The following RXRG variants were observed in gnomAD, a reference collection of about 807,000 sequenced individuals.
The protein encoded by RXRG is retinoid X receptor gamma, also known as retinoic acid receptor RXR-gamma.
A neutral mutation model predicts 49.2 loss-of-function variants in RXRG; 19 were observed. The observed-to-expected ratio is 0.39, with a 90% CI of 0.27 to 0.57. The LOEUF is 0.57. Ranked by LOEUF, RXRG falls within the 20% of genes least tolerant of loss-of-function variation. The probability of loss-of-function intolerance (pLI) is 0.64; values close to 1 mark genes in which losing one functional copy is unlikely to be tolerated. For missense variants in RXRG, 452 were observed against 592.5 expected (o/e 0.76, Z 2.46); for synonymous variants, 224 against 216.6 (o/e 1.03, Z -0.30).
rs1658573992 is a variant in RXRG at position 165,428,775 on chromosome 1, A to T, written c.241T>A (p.Ser81Thr). The T allele has an allele frequency of 5.0e-6, 8 of 1,610,402 alleles. No homozygotes were observed. Among genetic ancestry groups the T allele is most frequent in the Non-Finnish European group, 6.8e-6 (8 of 1,177,070 alleles). Residue 81 changes from serine to threonine, a missense_variant, in exon 2 of 10, where the codon TCA becomes ACA. Physicochemically the swap from Ser to Thr is moderately conservative, Grantham distance 58. Around this residue, in one of 2 missense-constraint regions of RXRG, gnomAD observed 166 missense variants for 151.7 expected, o/e 1.09. Transcript: ENST00000359842. Reference sequence around the variant, plus strand: ...CCTGGAGGCGCTGCAAGTGCTCCTGAGGGTGGGCCCATGGCAGAGGTGATG... The same window carrying T: ...CCTGGAGGCGCTGCAAGTGCTCCTGTGGGTGGGCCCATGGCAGAGGTGATG... The part of the protein sequence containing the change: ...RVITSAMGPP[S>T]GALAAPPGIN...
intron 9 of RXRG, among the ~76,000 whole-genome samples, chr1:165,404,716 C>T (rs989211791): frequency 6.6e-6 from 1 of 152,018 alleles, no homozygotes; most frequent in South Asian, 2.1e-4. Flanking sequence ...AAGAAATATA[C>T]CAAAATATTT....
At chr1:165,416,097 A>T (rs1557915103) in intron 4 of RXRG, among the ~76,000 whole-genome samples, 1 of 152,060 alleles carries the variant, frequency 6.6e-6, no homozygotes, top group Non-Finnish European at 1.5e-5. Context: ...CTCTTCATTG[A>T]CCCTTTCAGT....
intron 1 of RXRG, among the ~76,000 whole-genome samples, chr1:165,433,572 A>C (rs1244028939): frequency 6.6e-6 from 1 of 152,218 alleles, no homozygotes; most frequent in Non-Finnish European, 1.5e-5. Flanking sequence ...AGTTCCTCAA[A>C]AGGTTTTCTT....
chr1:165,429,366 C>A (rs1658601328), intron 1 of RXRG, among the ~76,000 whole-genome samples: 1 of 152,180 alleles, frequency 6.6e-6, no homozygotes, highest in Non-Finnish European at 1.5e-5. Context: ...GGTTCCCAGG[C>A]TGCTCCATAA....
chr1:165,429,329 A>G (rs530004023), intron 1 of RXRG, among the ~76,000 whole-genome samples: 1 of 152,176 alleles, frequency 6.6e-6, no homozygotes, highest in Non-Finnish European at 1.5e-5. Flanking sequence ...GTGAGTCTAT[A>G]CCAAACCTCG....
intron 1 of RXRG, among the ~76,000 whole-genome samples, 174 bp downstream of exon 1, chr1:165,444,671 C>T (rs553964956): frequency 6.6e-6 from 1 of 152,296 alleles, no homozygotes; most frequent in Non-Finnish European, 1.5e-5. Context: ...TTCCTCCTCT[C>T]CTCTCTCATG....
At chr1:165,405,483 TG>T (rs752723893) in intron 9 of RXRG, among the ~76,000 whole-genome samples, 23 of 152,252 alleles carry the variant, frequency 1.5e-4, no homozygotes, top group Non-Finnish European at 3.2e-4. Context: ...CCACGTGACT[TG>T]GCATCAGCTA....
Position 165,444,853 on chromosome 1 carries a change from C to G in RXRG, c.41G>C (p.Gly14Ala). 1 of 1,614,138 alleles carries G rather than the reference C, an allele frequency of 6.2e-7. No individual in the cohort carries two copies. The highest frequency in any genetic ancestry group is 1.3e-5 in the African/African-American group (1 of 75,052). Residue 14 changes from glycine (G) to alanine (A), a missense_variant, in exon 1 of 10, where the codon GGC becomes GCC. Around this residue, in one of 2 missense-constraint regions of RXRG, gnomAD observed 166 missense variants for 151.7 expected, o/e 1.09. Transcript: ENST00000359842. ...NYSHFMKFPA[G>A]YGGSPGHTGS... Reference sequence around the variant, plus strand: ...CCAAGGGAGATACTTACCTCCATAGCCTGCGGGAAACTTCATGAAGTGAGA... The same window carrying G: ...CCAAGGGAGATACTTACCTCCATAGGCTGCGGGAAACTTCATGAAGTGAGA...
chr1:165,412,485 A>G (rs1437862399), intron 4 of RXRG, among the ~76,000 whole-genome samples: 2 of 152,122 alleles, frequency 1.3e-5, no homozygotes, highest in Non-Finnish European at 2.9e-5. Flanking sequence ...TTCACATATA[A>G]CTCTACCCCT....
intron 3 of RXRG, among the ~76,000 whole-genome samples, chr1:165,419,546 A>AT (rs1401973071): frequency 6.6e-6 from 1 of 152,126 alleles, no homozygotes; most frequent in Non-Finnish European, 1.5e-5. Flanking sequence ...AAGCACTGGG[A>AT]TTATAGGTGT....
intron 3 of RXRG, among the ~76,000 whole-genome samples, chr1:165,419,287 A>T (rs1658231677): frequency 6.6e-6 from 1 of 152,184 alleles, no homozygotes; most frequent in African/African-American, 2.4e-5. Context: ...TCTTGGGGAC[A>T]TTATGGGTAA....
chr1:165,423,922 C>G (rs980368456), intron 2 of RXRG, among the ~76,000 whole-genome samples: 4 of 152,114 alleles, frequency 2.6e-5, no homozygotes, highest in African/African-American at 9.7e-5. Context: ...AAAATGCAAA[C>G]AGACTCAAGA....
intron 6 of RXRG, among the ~76,000 whole-genome samples, chr1:165,410,492 T>C (rs972263515): frequency 7.2e-5 from 11 of 152,214 alleles, no homozygotes; most frequent in African/African-American, 2.4e-4. Flanking sequence ...ATGCAAATTA[T>C]AAAGCCGTGG....
intron 2 of RXRG, among the ~76,000 whole-genome samples, chr1:165,425,240 G>A (rs889080773): frequency 1.3e-5 from 2 of 152,166 alleles, no homozygotes; most frequent in African/African-American, 4.8e-5. Flanking sequence ...ATGGTGCCTT[G>A]CCCAATTCCT....
At chr1:165,442,185 T>G (rs1220549387) in intron 1 of RXRG, among the ~76,000 whole-genome samples, 1 of 152,168 alleles carries the variant, frequency 6.6e-6, no homozygotes, top group African/African-American at 2.4e-5. Context: ...AGGCCAAAGG[T>G]GACGTCCACT....
At chr1:165,419,450 G>A (rs1474680495) in intron 3 of RXRG, among the ~76,000 whole-genome samples, 1 of 151,394 alleles carries the variant, frequency 6.6e-6, no homozygotes. Flanking sequence ...GAGTACAGTA[G>A]CGTGATCATG....
rs1282851577 is a variant in RXRG, at chr1:165,408,207, TG to T, written c.1138+19del. The T allele has an allele frequency of 3.8e-6, 6 of 1,591,454 alleles. No individual in the cohort carries two copies. Among genetic ancestry groups the T allele is most frequent in the Middle Eastern group, 1.7e-4 (1 of 6,034 alleles). ...AAGAGGGCTGAACACACACATCCCC[TG>T]GGGTTGAAGGGCGGTTACCTGGGTT... On this transcript the variant is annotated intron_variant, in intron 8 of 9. Coordinates refer to ENST00000359842, the MANE Select transcript of RXRG (RefSeq NM_006917.5).
intron 9 of RXRG, among the ~76,000 whole-genome samples, chr1:165,406,462 A>G (rs1485733359): frequency 6.6e-6 from 1 of 152,238 alleles, no homozygotes; most frequent in African/African-American, 2.4e-5. Context: ...GCGTGCTAGC[A>G]TTATGGTCTT....
chr1:165,436,830 G>T, intron 1 of RXRG: 1 of 788,548 alleles, frequency 1.3e-6, no homozygotes, highest in Non-Finnish European at 1.6e-6. Context: ...GTAACCAGAT[G>T]GGGACAGAAG....
Sources: gnomAD v4.1 joint callset for allele counts (sites outside exome capture counted in the v4.1 genomes callset) on GRCh38, gnomAD v4.1.1 for gene constraint, gnomAD v4.1.1 regional missense constraint, MANE v1.5 for transcripts, NCBI Gene and HGNC (gene_info 2026-07-23, HGNC 2026-07-21) for gene names.